MAP4: variants seen among roughly 807,000 people sequenced by gnomAD.
The protein encoded by MAP4 is microtubule-associated protein 4.
Under a neutral mutation model 170.2 loss-of-function variants are expected in MAP4, and 76 were observed. The ratio of observed to expected loss-of-function variants is 0.45; its 90% CI spans 0.37 to 0.54. The LOEUF is 0.54. Ranked by LOEUF, MAP4 falls within the 20% of genes least tolerant of loss-of-function variation. MAP4 has a pLI of 0.00. For missense variants in MAP4, 2,506 were observed against 2,748.0 expected (o/e 0.91, Z 1.97); for synonymous variants, 909 against 994.5 (o/e 0.91, Z 1.62).
At chr3:47,869,807 C>T (rs1385116436) in intron 15 of MAP4, among the ~76,000 whole-genome samples, 2 of 152,086 alleles carry the variant, frequency 1.3e-5, no homozygotes, top group Non-Finnish European at 2.9e-5. Context: ...CAACTCCCCA[C>T]CCAAGAACTC....
At chr3:47,921,112 C>T (rs886315323) in intron 5 of MAP4, among the ~76,000 whole-genome samples, 8 of 152,132 alleles carry the variant, frequency 5.3e-5, no homozygotes, top group African/African-American at 1.7e-4. Context: ...CGCATCACTG[C>T]ACTCCAACCT....
At chr3:47,959,722 G>A (rs2100070314) in intron 3 of MAP4, among the ~76,000 whole-genome samples, 2 of 147,142 alleles carry the variant, frequency 1.4e-5, no homozygotes, top group South Asian at 4.3e-4. Context: ...TCGCGCCGCT[G>A]CACTCCACCC....
At chr3:47,968,632 G>T (rs1248145929) in intron 3 of MAP4, among the ~76,000 whole-genome samples, 1 of 151,660 alleles carries the variant, frequency 6.6e-6, no homozygotes, top group East Asian at 1.9e-4. Context: ...TATATTAAAA[G>T]AATAAAATAA....
intron 1 of MAP4, among the ~76,000 whole-genome samples, chr3:48,045,545 C>T (rs2100124038): frequency 1.3e-5 from 2 of 152,122 alleles, no homozygotes; most frequent in South Asian, 4.1e-4. Context: ...ATCCCGAAAA[C>T]ATCCCCTCCC....
At chr3:47,897,605 A>G (rs903252739) in intron 10 of MAP4, among the ~76,000 whole-genome samples, 4 of 152,124 alleles carry the variant, frequency 2.6e-5, no homozygotes, top group African/African-American at 9.7e-5. Flanking sequence ...AAAAAGAGGC[A>G]ATGCACTTGG....
At chr3:48,018,557 G>C (rs1208183487), upstream of MAP4, among the ~76,000 whole-genome samples, 6 of 152,138 alleles carry the variant, frequency 3.9e-5, no homozygotes, top group African/African-American at 1.4e-4. Context: ...CCAGCACTCA[G>C]CACTTTGGGA....
At chr3:48,025,936 T>TAATAATAATAATAATAAC (rs796434506) in intron 1 of MAP4, among the ~76,000 whole-genome samples, 54 of 147,534 alleles carry the variant, frequency 3.7e-4, no homozygotes, top group South Asian at 2.5e-3. Context: ...ATAATAATAA[T>TAATAATAATAATAATAAC]AACAATAATA....
chr3:47,895,138 T>G (rs2100026126), intron 10 of MAP4, among the ~76,000 whole-genome samples: 1 of 152,114 alleles, frequency 6.6e-6, no homozygotes, highest in South Asian at 2.1e-4. Flanking sequence ...CCATTCTGTG[T>G]AAACTAGTCA....
intron 1 of MAP4, among the ~76,000 whole-genome samples, chr3:48,002,621 C>T: frequency 6.6e-6 from 1 of 151,616 alleles, no homozygotes; most frequent in East Asian, 1.9e-4. Flanking sequence ...AGGCTCATGC[C>T]TGTAACCCCA....
At chr3:47,951,890 C>T (rs2100064267) in intron 3 of MAP4, among the ~76,000 whole-genome samples, 1 of 151,854 alleles carries the variant, frequency 6.6e-6, no homozygotes, top group Non-Finnish European at 1.5e-5. Flanking sequence ...CCCGCCATCC[C>T]ATCTAGGAAG....
At chr3:47,976,068 G>A (rs1035802769) in intron 3 of MAP4, among the ~76,000 whole-genome samples, 1 of 152,204 alleles carries the variant, frequency 6.6e-6, no homozygotes, top group African/African-American at 2.4e-5. Flanking sequence ...GGGATTACAG[G>A]CGTGAGCCAC....
chr3:48,043,325 T>C (rs181468849), intron 1 of MAP4, among the ~76,000 whole-genome samples: 213 of 152,266 alleles, frequency 1.4e-3, no homozygotes, highest in Non-Finnish European at 2.4e-3. Context: ...GGTCTCGAAC[T>C]CCTGGCCTCA....
At position 47,863,921 on chromosome 3, in the gene MAP4, G is replaced by GGTGTGTGTGTGTGTGTGTGT. The variant is rs747894391; in HGVS notation, c.6501+3324_6501+3325insACACACACACACACACACAC. ...TTCTGTGTGTGTGTGTGTGGGTGTG[G>GGTGTGTGTGTGTGTGTGTGT]GTGTGTGTGTGTGTGTGGGGAGTGG... On this transcript the variant is annotated intron_variant, in intron 17 of 20. Coordinates refer to ENST00000683076, the MANE Select transcript of MAP4 (RefSeq NM_001385682.1). Among the ~76,000 whole-genome samples the GGTGTGTGTGTGTGTGTGTGT allele has an allele frequency of 2.7e-3, 300 of 110,880 alleles. 2 individuals carry two copies. Among genetic ancestry groups the GGTGTGTGTGTGTGTGTGTGT allele is most frequent in the African/African-American group, 0.013 (291 of 22,048 alleles). 72.7% of individuals were successfully genotyped at this position (110,880 alleles called of 152,430 possible).
chr3:47,897,693 C>T (rs926335735), intron 10 of MAP4, among the ~76,000 whole-genome samples: 1 of 151,900 alleles, frequency 6.6e-6, no homozygotes, highest in Non-Finnish European at 1.5e-5. Context: ...AATCTCAGTA[C>T]TTTGGGAGGT....
At chr3:48,072,641 T>C (rs896342706) in intron 1 of MAP4, among the ~76,000 whole-genome samples, 1 of 152,178 alleles carries the variant, frequency 6.6e-6, no homozygotes, top group African/African-American at 2.4e-5. Flanking sequence ...TATTCTGAGT[T>C]CCAGAAACAA....
Position 47,857,496 on chromosome 3 carries a change from T to G in MAP4, c.6518A>C (p.Lys2173Thr), listed in dbSNP as rs554820379. The G allele has an allele frequency of 3.1e-4, 508 of 1,613,020 alleles. 2 individuals are homozygous for G. The South Asian group carries it at 5.1e-3, about 16-fold the overall frequency. Residue 2173 changes from lysine to threonine, a missense_variant, in exon 18 of 21, where the codon AAG (lysine) becomes ACG (threonine). Physicochemically the swap from Lys to Thr is moderately conservative, Grantham distance 78 (BLOSUM62 -1). This residue lies in a region of MAP4 where 487 missense variants were observed against 511.6 expected (regional missense o/e 0.95). Transcript: ENST00000683076. ...PGGGNVQIQN[K>T]KVDISKVSSK... The stretch of plus-strand genomic sequence containing the variant: ...GGAGACCTTAGAGATGTCCACTTTC[T>G]TGTTCTGAATCTGAACCTGAAGAGA...
intron 16 of MAP4, 56 bp from the exon 17 acceptor site, chr3:47,867,394 G>A (rs544674866): frequency 6.5e-5 from 78 of 1,203,164 alleles, no homozygotes; most frequent in African/African-American, 3.0e-4. Flanking sequence ...GGTTAGAACC[G>A]ACACAGGGAA....
chr3:47,931,249 C>T (rs955730302), intron 3 of MAP4, among the ~76,000 whole-genome samples: 3 of 151,842 alleles, frequency 2.0e-5, no homozygotes, highest in African/African-American at 4.8e-5. Context: ...AGCATGGTGA[C>T]GAGTGCCTTT....
intron 1 of MAP4, among the ~76,000 whole-genome samples, chr3:48,055,302 T>C (rs1326928587): frequency 1.3e-5 from 2 of 152,170 alleles, no homozygotes; most frequent in East Asian, 3.9e-4. Flanking sequence ...CTCGGCTCAC[T>C]GCAACCTCCC....
Sources: allele counts gnomAD v4.1 joint callset (sites outside exome capture counted in the v4.1 genomes callset), GRCh38; gene constraint gnomAD v4.1.1; regional missense constraint gnomAD v4.1.1; transcripts MANE v1.5; gene names NCBI Gene and HGNC (gene_info 2026-07-23, HGNC 2026-07-21).